Variants in NEO1 observed in about 807,000 individuals in gnomAD.
NEO1 encodes the protein neogenin.
In NEO1, 63 loss-of-function variants were observed where a neutral mutation model predicts 159.7. The observed-to-expected ratio is 0.39, with a 90% CI of 0.32 to 0.49. The LOEUF is 0.49. NEO1 is among the 20% of genes least tolerant of loss of function. The pLI, the probability that NEO1 is intolerant of heterozygous loss-of-function variation, is 0.85. For missense variants in NEO1, 1,615 were observed against 1,831.0 expected (o/e 0.88, Z 2.15); for synonymous variants, 633 against 662.0 (o/e 0.96, Z 0.67).
At chr15:73,146,707 C>T (rs1478001492) in intron 5 of NEO1, among the ~76,000 whole-genome samples, 1 of 152,060 alleles carries the variant, frequency 6.6e-6, no homozygotes, top group Non-Finnish European at 1.5e-5. Context: ...CTAGAAAAGA[C>T]CAGAAATATC....
intron 18 of NEO1, among the ~76,000 whole-genome samples, chr15:73,271,503 C>T (rs2041167318): frequency 6.6e-6 from 1 of 152,218 alleles, no homozygotes; most frequent in African/African-American, 2.4e-5. Flanking sequence ...CGAACAGCTT[C>T]ACTTTAGAGC....
intron 8 of NEO1, among the ~76,000 whole-genome samples, 190 bp downstream of exon 8, chr15:73,236,696 T>C (rs564600325): frequency 6.6e-6 from 1 of 152,330 alleles, no homozygotes; most frequent in Admixed American, 6.5e-5. Flanking sequence ...TCTCTCCTTT[T>C]CTGGGATGAC....
At chr15:73,081,160 G>A (rs1021321106) in intron 1 of NEO1, among the ~76,000 whole-genome samples, 1 of 152,032 alleles carries the variant, frequency 6.6e-6, no homozygotes, top group African/African-American at 2.4e-5. Context: ...TTTGGTAGAT[G>A]TTTCATCTCT....
At position 73,102,947 on chromosome 15, in the gene NEO1, G is replaced by A. The variant is rs550088419; in HGVS notation, c.131-13593G>A. 4.6e-5 allele frequency among the ~76,000 whole-genome samples: 7 copies of A among 152,208 alleles called. No homozygotes were observed. In the East Asian group the frequency reaches 5.8e-4, roughly 13 times the overall value. On this transcript the variant is annotated intron_variant, in intron 1 of 28. Transcript: ENST00000261908. ...CAGTGACTGGCACCATTTAGCCATC[G>A]TCCAAGCTAGAAACTTGTCATTCAT...
chr15:73,225,774 T>A (rs2038548324), intron 7 of NEO1, among the ~76,000 whole-genome samples: 1 of 152,204 alleles, frequency 6.6e-6, no homozygotes, highest in Non-Finnish European at 1.5e-5. Flanking sequence ...TCTGCACACC[T>A]GATTCGCACC....
chr15:73,202,559 A>G (rs1042112572), intron 7 of NEO1, among the ~76,000 whole-genome samples: 3 of 152,080 alleles, frequency 2.0e-5, no homozygotes, highest in East Asian at 1.9e-4. Flanking sequence ...CGTTCTAGCT[A>G]TCTTTGTTTT....
Position 73,122,509 on chromosome 15 carries a change from T to C in NEO1, c.449-16T>C. Reference sequence around the variant, plus strand: ...ATTTAAATAAATTTTATTTCTTCTCTTCCTTTATTGTCCAGGTCTTCCAAG... The same window carrying C: ...ATTTAAATAAATTTTATTTCTTCTCCTCCTTTATTGTCCAGGTCTTCCAAG... On this transcript the variant is annotated splice_polypyrimidine_tract_variant and intron_variant, in intron 2 of 28. Coordinates refer to ENST00000261908, the MANE Select transcript of NEO1 (RefSeq NM_002499.4). 1 of 1,603,170 alleles carries C rather than the reference T, an allele frequency of 6.2e-7. No homozygotes were observed.
chr15:73,228,022 A>G (rs958287916), intron 7 of NEO1, among the ~76,000 whole-genome samples: 2 of 152,226 alleles, frequency 1.3e-5, no homozygotes, highest in Non-Finnish European at 2.9e-5. Context: ...AGTTGAAACT[A>G]TTAAACATCC....
At chr15:73,217,605 T>C (rs2150732802) in intron 7 of NEO1, among the ~76,000 whole-genome samples, 1 of 152,348 alleles carries the variant, frequency 6.6e-6, no homozygotes, top group East Asian at 1.9e-4. Context: ...TTCTATTTCA[T>C]TGAGCAGTGG....
At position 73,087,211 on chromosome 15, in the gene NEO1, A is replaced by G. The variant is rs1032117009; in HGVS notation, c.131-29329A>G. Among the ~76,000 whole-genome samples the G allele has an allele frequency of 1.2e-4, 18 of 152,280 alleles. No individual in the cohort carries two copies. In the East Asian group the frequency reaches 3.5e-3, roughly 29 times the overall value. On this transcript the variant is annotated intron_variant, in intron 1 of 28. Coordinates refer to ENST00000261908, the MANE Select transcript of NEO1 (RefSeq NM_002499.4). ...TTCTGAGAGTTTTTTAAAATCATGA[A>G]TGGTAGTTGAATTTTGTCAAATACA...
At chr15:73,136,963 G>T (rs1305466545) in intron 5 of NEO1, among the ~76,000 whole-genome samples, 1 of 152,112 alleles carries the variant, frequency 6.6e-6, no homozygotes, top group South Asian at 2.1e-4. Context: ...AACTCTGACC[G>T]GGACTGTTGC....
intron 1 of NEO1, among the ~76,000 whole-genome samples, chr15:73,066,197 T>C (rs2068210919): frequency 6.9e-6 from 1 of 145,208 alleles, no homozygotes; most frequent in African/African-American, 2.6e-5. Flanking sequence ...TTCTTATTTT[T>C]TGTACGTTTA....
rs1425426743 is a variant in NEO1, at chr15:73,260,409, A to G, written c.2342A>G (p.His781Arg). 1 of 1,613,928 alleles carries G rather than the reference A, an allele frequency of 6.2e-7. No individual in the cohort carries two copies. Among genetic ancestry groups the G allele is most frequent in the East Asian group, 2.2e-5 (1 of 44,892 alleles). The change falls in exon 15 of 29, where the codon CAT (histidine) becomes CGT (arginine). Residue 781 changes from histidine (H) to arginine (R), a missense_variant. Coordinates refer to ENST00000261908, the MANE Select transcript of NEO1 (RefSeq NM_002499.4). The stretch of plus-strand genomic sequence containing the variant: ...ATTGGTTATGGCATTGGCAGCCCTC[A>G]TGCCCAGACCATCAAAGTGGACTAT... ...YAIGYGIGSP[H>R]AQTIKVDYKQ...
At chr15:73,152,716 A>G (rs76179012) in intron 5 of NEO1, among the ~76,000 whole-genome samples, 43 of 152,142 alleles carry the variant, frequency 2.8e-4, no homozygotes, top group African/African-American at 1.0e-3. Flanking sequence ...CATCATGTGC[A>G]ATCTAATGCT....
intron 7 of NEO1, among the ~76,000 whole-genome samples, chr15:73,183,466 G>A (rs1567413672): frequency 6.6e-6 from 1 of 152,080 alleles, no homozygotes; most frequent in African/African-American, 2.4e-5. Context: ...TGAAAGAGGC[G>A]CAGAAATCAT....
At chr15:73,109,603 T>C (rs2070865674) in intron 1 of NEO1, among the ~76,000 whole-genome samples, 1 of 152,040 alleles carries the variant, frequency 6.6e-6, no homozygotes, top group African/African-American at 2.4e-5. Context: ...GGGAAGGTAG[T>C]GGCTGTAAAT....
chr15:73,173,214 A>G (rs1395923669), intron 5 of NEO1, among the ~76,000 whole-genome samples: 2 of 152,344 alleles, frequency 1.3e-5, no homozygotes, highest in East Asian at 3.9e-4. Flanking sequence ...TTGAGAAGGA[A>G]CAGACAAACT....
intron 1 of NEO1, among the ~76,000 whole-genome samples, chr15:73,091,823 C>T (rs1218310649): frequency 6.6e-5 from 10 of 150,628 alleles, no homozygotes; most frequent in Non-Finnish European, 1.0e-4. Flanking sequence ...GTAGAGGTCT[C>T]GCTATGTTGC....
chr15:73,266,572 T>C (rs2040910973), intron 16 of NEO1, among the ~76,000 whole-genome samples, 161 bp downstream of exon 16: 1 of 152,202 alleles, frequency 6.6e-6, no homozygotes, highest in Admixed American at 6.5e-5. Flanking sequence ...TGGAAAGTTC[T>C]GTTAATTTGT....
Sources: gnomAD v4.1 joint callset for allele counts (sites outside exome capture counted in the v4.1 genomes callset) on GRCh38, gnomAD v4.1.1 for gene constraint, MANE v1.5 for transcripts, NCBI Gene and HGNC (gene_info 2026-07-23, HGNC 2026-07-21) for gene names.